Variants in CTNNA3 observed in about 807,000 individuals in gnomAD.
CTNNA3 encodes catenin alpha 3.
Under a neutral mutation model 95.7 loss-of-function variants are expected in CTNNA3, and 76 were observed. That is an observed-to-expected ratio of 0.79 (90% CI 0.66 to 0.96). CTNNA3 has a LOEUF of 0.96. Among genes scored for constraint, CTNNA3 ranks in the 40% least tolerant of loss-of-function variants. The probability of loss-of-function intolerance (pLI) is 0.00; values close to 1 mark genes in which losing one functional copy is unlikely to be tolerated. For synonymous variants in CTNNA3, 431 were observed against 374.4 expected (o/e 1.15, Z -1.74); for missense variants, 1,191 against 1,089.8 (o/e 1.09, Z -1.31).
Position 66,486,009 on chromosome 10 carries a change from A to G in CTNNA3, c.1531+34608T>C, listed in dbSNP as rs117157743. Among the ~76,000 whole-genome samples the G allele has an allele frequency of 8.5e-4, 129 of 152,328 alleles. 2 individuals are homozygous for G. The East Asian group carries it at 0.022, about 26-fold the overall frequency. On this transcript the variant is annotated intron_variant, in intron 11 of 17. Transcript: ENST00000433211. ...AGTCTCTCTAACAAATGGCACTGAT[A>G]AAACTGCAGAAGAATACAATTAGGC...
At chr10:65,995,729 C>G (rs1019883477) in intron 15 of CTNNA3, among the ~76,000 whole-genome samples, 1 of 152,208 alleles carries the variant, frequency 6.6e-6, no homozygotes, top group African/African-American at 2.4e-5. Flanking sequence ...TGTGACAGGA[C>G]AACCCCATGG....
intron 13 of CTNNA3, among the ~76,000 whole-genome samples, chr10:66,166,468 C>T (rs2085131986): frequency 6.8e-6 from 1 of 146,500 alleles, no homozygotes; most frequent in Non-Finnish European, 1.5e-5. Context: ...CACTGCACTC[C>T]ATCCTGGGGG....
intron 15 of CTNNA3, among the ~76,000 whole-genome samples, chr10:66,051,395 T>C (rs2079957411): frequency 6.6e-6 from 1 of 152,236 alleles, no homozygotes; most frequent in African/African-American, 2.4e-5. Context: ...TTTCCTGGAC[T>C]TCGTTCCACT....
At chr10:67,652,112 C>T (rs1839893737) in intron 1 of CTNNA3, among the ~76,000 whole-genome samples, 1 of 152,228 alleles carries the variant, frequency 6.6e-6, no homozygotes, top group African/African-American at 2.4e-5. Context: ...CAGATGGCTG[C>T]CTTCTCTCTG....
rs139598494 is a variant in CTNNA3 at position 67,706,608 on chromosome 10, G to A, written c.-2+56826C>T. ...GACATCTGGTCAGTGCTGGGGGAAA[G>A]GGAGGGAGATTTAAATTAGAATGAA... On this transcript the variant is annotated intron_variant, in intron 1 of 17. Transcript: ENST00000684154. Among the ~76,000 whole-genome samples the A allele has an allele frequency of 8.4e-3, 1,283 of 152,222 alleles. 9 individuals carry two copies. Among genetic ancestry groups the A allele is most frequent in the Non-Finnish European group, 0.014 (977 of 67,994 alleles).
intron 5 of CTNNA3, among the ~76,000 whole-genome samples, chr10:67,502,814 C>T (rs930301711): frequency 6.6e-6 from 1 of 152,180 alleles, no homozygotes; most frequent in African/African-American, 2.4e-5. Context: ...AGACATCCCT[C>T]CCCACACCAA....
intron 6 of CTNNA3, among the ~76,000 whole-genome samples, chr10:67,188,272 A>G (rs892783022): frequency 3.3e-5 from 5 of 152,172 alleles, no homozygotes; most frequent in African/African-American, 1.2e-4. Context: ...CAGATGAGCC[A>G]ATTGCTTGAG....
At chr10:67,255,286 A>G (rs1318511513) in intron 5 of CTNNA3, among the ~76,000 whole-genome samples, 1 of 151,894 alleles carries the variant, frequency 6.6e-6, no homozygotes, top group Non-Finnish European at 1.5e-5. Flanking sequence ...CAAGAGCAAA[A>G]CTCCATCTCA....
intron 9 of CTNNA3, among the ~76,000 whole-genome samples, chr10:66,728,256 G>A (rs1848839848): frequency 6.6e-6 from 1 of 152,138 alleles, no homozygotes; most frequent in Non-Finnish European, 1.5e-5. Context: ...GAAATAATGT[G>A]TGACACTGAT....
At chr10:67,686,403 A>G (rs190884593) in intron 1 of CTNNA3, among the ~76,000 whole-genome samples, 1 of 152,344 alleles carries the variant, frequency 6.6e-6, no homozygotes, top group African/African-American at 2.4e-5. Flanking sequence ...CTTGGGTGGC[A>G]TAAGTCTGGA....
chr10:66,948,027 G>T (rs1264896798), intron 7 of CTNNA3, among the ~76,000 whole-genome samples: 1 of 152,200 alleles, frequency 6.6e-6, no homozygotes, highest in East Asian at 1.9e-4. Flanking sequence ...GTAGGCATTT[G>T]TAACACAATG....
intron 1 of CTNNA3, among the ~76,000 whole-genome samples, chr10:67,691,640 G>T (rs1431954049): frequency 6.6e-6 from 1 of 151,780 alleles, no homozygotes; most frequent in African/African-American, 2.4e-5. Flanking sequence ...GAGAAGTGAG[G>T]AGCCCCTCCG....
rs182107055 is a variant in CTNNA3, at chr10:67,558,522, T to C, written c.293-18853A>G. Among the ~76,000 whole-genome samples, 5 of 152,288 alleles carry C rather than the reference T, an allele frequency of 3.3e-5. 1 individual carries two copies. The South Asian group carries it at 1.0e-3, about 32-fold the overall frequency. On this transcript the variant is annotated intron_variant, in intron 3 of 17. Transcript: ENST00000433211. ...GCGGCTGGCAGCCAAGATGGCCGAA[T>C]AGGAACAGCGCCGGTCTACAGCTCC...
At chr10:66,245,973 T>C (rs966116413) in intron 13 of CTNNA3, among the ~76,000 whole-genome samples, 11 of 152,182 alleles carry the variant, frequency 7.2e-5, no homozygotes, top group African/African-American at 1.4e-4. Context: ...TGGGCAACCA[T>C]TGGTGGGCCC....
At chr10:65,937,606 C>T (rs1039922429) in intron 17 of CTNNA3, among the ~76,000 whole-genome samples, 15 of 152,052 alleles carry the variant, frequency 9.9e-5, no homozygotes, top group Non-Finnish European at 1.8e-4. Flanking sequence ...GTGATCATGA[C>T]CAGTTTCTTT....
rs35664400 is a variant in CTNNA3, at chr10:66,294,886, C to CAGAGAGAG, written c.1733-14273_1733-14266dup. Among the ~76,000 whole-genome samples, 1,108 of 142,472 alleles carry CAGAGAGAG rather than the reference C, an allele frequency of 7.8e-3. 12 individuals carry two copies. The highest frequency in any genetic ancestry group is 0.026 in the African/African-American group (1,015 of 39,550). The allele number at this position is 142,472 out of a possible 152,430, so 93.5% of individuals were successfully genotyped here. A position where few individuals can be genotyped will look rare whatever the true frequency, so the allele number is the denominator to read the frequency against. On this transcript the variant is annotated intron_variant, in intron 12 of 17. Coordinates refer to ENST00000433211, the MANE Select transcript of CTNNA3 (RefSeq NM_013266.4). ...CCAGATACCTATTAGACAGTCAGGA[C>CAGAGAGAG]AGAGAGAGAGAGAGAGAGAGAGAGA...
intron 9 of CTNNA3, among the ~76,000 whole-genome samples, chr10:66,621,994 TGAG>T (rs1844767985): frequency 6.6e-6 from 1 of 152,120 alleles, no homozygotes; most frequent in South Asian, 2.1e-4. Flanking sequence ...TTGTTTAAAA[TGAG>T]GAGAGACTAG....
At chr10:67,402,147 T>C (rs541311886) in intron 5 of CTNNA3, among the ~76,000 whole-genome samples, 2 of 152,292 alleles carry the variant, frequency 1.3e-5, no homozygotes, top group East Asian at 1.9e-4. Context: ...AAGAAGCTCA[T>C]TGAGATCAAG....
In CTNNA3 at chr10:66,520,439, C is replaced by T. The variant is rs148459048; in HGVS notation, c.1531+178G>A. 0.091 allele frequency among the ~76,000 whole-genome samples: 13,680 copies of T among 150,528 alleles called. 821 individuals are homozygous for T. Among genetic ancestry groups the T allele is most frequent in the Non-Finnish European group, 0.13 (8,906 of 67,520 alleles). On this transcript the variant is annotated intron_variant, in intron 11 of 17. Transcript: ENST00000433211. ...GCTAATTTTTGTATTTTTAGTAGAG[C>T]GGGGGTTTCATCATGTTGGCCAGGC...
Sources: allele counts gnomAD v4.1 joint callset (sites outside exome capture counted in the v4.1 genomes callset), GRCh38; gene constraint gnomAD v4.1.1; transcripts MANE v1.5; gene names NCBI Gene and HGNC (gene_info 2026-07-23, HGNC 2026-07-21).